Variants in DLG2 observed in about 807,000 individuals in gnomAD.
DLG2 encodes disks large homolog 2.
A neutral mutation model predicts 132.5 loss-of-function variants in DLG2; 45 were observed. The ratio of observed to expected loss-of-function variants is 0.34; its 90% confidence interval spans 0.27 to 0.44. The LOEUF is 0.44. Ranked by LOEUF, DLG2 falls within the 20% of genes least tolerant of loss-of-function variation. DLG2 has a pLI of 1.00. For missense variants in DLG2, 1,045 were observed against 1,196.9 expected, an observed-to-expected ratio of 0.87 and a Z score of 1.87; for synonymous variants, 424 against 419.6, an observed-to-expected ratio of 1.01 and a Z score of -0.13.
intron 5 of DLG2, among the ~76,000 whole-genome samples, chr11:85,136,865 A>C (rs2076172310): frequency 6.6e-6 from 1 of 152,166 alleles, no homozygotes; most frequent in Admixed American, 6.6e-5. Context: ...AGAGGCACAA[A>C]ATCAATATTA....
intron 7 of DLG2, among the ~76,000 whole-genome samples, chr11:84,532,544 G>A (rs1031363357): frequency 1.3e-5 from 2 of 152,078 alleles, no homozygotes; most frequent in African/African-American, 4.8e-5. Flanking sequence ...TGCCCAGGCT[G>A]TAGTGCAGTG....
At chr11:84,630,238 A>G (rs553814236) in intron 6 of DLG2, among the ~76,000 whole-genome samples, 5 of 152,314 alleles carry the variant, frequency 3.3e-5, no homozygotes, top group Admixed American at 1.3e-4. Context: ...GGTAGGGGAA[A>G]GACTGCAGGA....
chr11:84,768,940 G>GA (rs964446220), intron 6 of DLG2, among the ~76,000 whole-genome samples: 1 of 151,804 alleles, frequency 6.6e-6, no homozygotes. Flanking sequence ...AAAGAGAAGA[G>GA]AAAAAAATAT....
chr11:84,907,987 T>C (rs1488420328), intron 6 of DLG2, among the ~76,000 whole-genome samples: 1 of 152,126 alleles, frequency 6.6e-6, no homozygotes, highest in Non-Finnish European at 1.5e-5. Flanking sequence ...TTCTTACCCA[T>C]CCTATCTGTC....
At chr11:85,115,773 C>T (rs1350879098) in intron 5 of DLG2, among the ~76,000 whole-genome samples, 1 of 151,936 alleles carries the variant, frequency 6.6e-6, no homozygotes, top group Non-Finnish European at 1.5e-5. Context: ...AAAGTAAAGA[C>T]ATTATTGGCC....
At chr11:84,063,902 G>T (rs2096630041) in intron 10 of DLG2, among the ~76,000 whole-genome samples, 1 of 134,106 alleles carries the variant, frequency 7.5e-6, no homozygotes, top group African/African-American at 2.8e-5. Flanking sequence ...TCATAGGTGG[G>T]AATTGAACAA....
intron 4 of DLG2, among the ~76,000 whole-genome samples, chr11:85,226,248 G>C: frequency 6.7e-6 from 1 of 150,142 alleles, no homozygotes; most frequent in East Asian, 1.9e-4. Flanking sequence ...AGACATGTGG[G>C]TGGATGGATG....
intron 3 of DLG2, among the ~76,000 whole-genome samples, chr11:85,544,670 A>G (rs2076187689): frequency 6.6e-6 from 1 of 152,116 alleles, no homozygotes; most frequent in African/African-American, 2.4e-5. Flanking sequence ...TATTTCCTTG[A>G]GCAGTGGTTT....
intron 6 of DLG2, among the ~76,000 whole-genome samples, chr11:84,731,586 G>C (rs2063159130): frequency 6.6e-6 from 1 of 151,874 alleles, no homozygotes; most frequent in Non-Finnish European, 1.5e-5. Flanking sequence ...AGAATATGTG[G>C]TACCAGCAAA....
At chr11:84,016,312 C>A (rs1048385345) in intron 11 of DLG2, among the ~76,000 whole-genome samples, 1 of 152,032 alleles carries the variant, frequency 6.6e-6, no homozygotes, top group Admixed American at 6.6e-5. Flanking sequence ...TAAAATTTTT[C>A]TCCTATTCTG....
At position 84,009,977 on chromosome 11, in the gene DLG2, A is replaced by G. The variant is rs1227007773; in HGVS notation, c.920-29335T>C. The stretch of plus-strand genomic sequence containing the variant: ...GTCTGGCAGCAAAGCCTTTCTTCCT[A>G]AGCTTATTGTTCTATTCAGCCTCCC... On this transcript the variant is annotated intron_variant, in intron 11 of 27. Transcript: ENST00000376104. Among the ~76,000 whole-genome samples, 4 of 152,184 alleles carry G rather than the reference A, an allele frequency of 2.6e-5. No individual in the cohort carries two copies. In the East Asian group the frequency reaches 7.7e-4, roughly 29 times the overall value.
chr11:85,227,310 T>G (rs945703932), intron 4 of DLG2, among the ~76,000 whole-genome samples: 5 of 152,018 alleles, frequency 3.3e-5, no homozygotes, highest in Admixed American at 6.6e-5. Context: ...AAGAAAAAAT[T>G]TTTAATAAAG....
chr11:85,447,487 A>G (rs942963974), intron 3 of DLG2, among the ~76,000 whole-genome samples: 9 of 152,192 alleles, frequency 5.9e-5, no homozygotes, highest in African/African-American at 2.2e-4. Flanking sequence ...AGACCATATG[A>G]CAATACAAGG....
chr11:85,447,229 T>C (rs925625911), intron 3 of DLG2, among the ~76,000 whole-genome samples: 3 of 152,160 alleles, frequency 2.0e-5, no homozygotes, highest in South Asian at 4.1e-4. Context: ...TCTAGAAACA[T>C]TGACAGACTC....
Position 83,480,287 on chromosome 11 carries a change from AAAC to A in DLG2, c.2293+3839_2293+3841del, listed in dbSNP as rs369084561. ...CAGATGATAAAAGGTAGCAATTGAAAAACAACAACAGAAATCTGAAATGACCAC... is the reference window on the plus strand; with the variant it reads ...CAGATGATAAAAGGTAGCAATTGAAAAACAACAGAAATCTGAAATGACCAC... On this transcript the variant is annotated intron_variant, in intron 22 of 27. Coordinates refer to ENST00000376104, the MANE Select transcript of DLG2 (RefSeq NM_001142699.3). The A allele has an allele frequency of 4.4e-4, 493 of 1,111,714 alleles. 4 individuals are homozygous for A. The African/African-American group carries it at 6.4e-3, about 14-fold the overall frequency. 68.9% of individuals were successfully genotyped at this position (1,111,714 alleles called of 1,614,324 possible).
At chr11:84,175,738 C>T (rs1157420311) in intron 8 of DLG2, among the ~76,000 whole-genome samples, 1 of 152,148 alleles carries the variant, frequency 6.6e-6, no homozygotes, top group Non-Finnish European at 1.5e-5. Context: ...AGCCACATCA[C>T]CCTGCTCCTT....
At chr11:85,058,724 A>T (rs2063715488) in intron 6 of DLG2, among the ~76,000 whole-genome samples, 1 of 151,560 alleles carries the variant, frequency 6.6e-6, no homozygotes, top group Non-Finnish European at 1.5e-5. Flanking sequence ...AGGCCCACTG[A>T]TATAAGGTTA....
intron 6 of DLG2, among the ~76,000 whole-genome samples, chr11:85,024,306 G>A (rs1366152022): frequency 2.0e-5 from 3 of 152,120 alleles, no homozygotes; most frequent in Non-Finnish European, 2.9e-5. Context: ...TGTATCTGAC[G>A]CACATTTTAC....
intron 21 of DLG2, among the ~76,000 whole-genome samples, chr11:83,492,912 T>A (rs532926994): frequency 5.9e-4 from 89 of 152,112 alleles, no homozygotes; most frequent in Non-Finnish European, 1.0e-3. Flanking sequence ...GCAGCCAGGG[T>A]GATCATTTAA....
Sources: gnomAD v4.1 joint callset for allele counts (sites outside exome capture counted in the v4.1 genomes callset) on GRCh38, gnomAD v4.1.1 for gene constraint, MANE v1.5 for transcripts, NCBI Gene and HGNC (gene_info 2026-07-23, HGNC 2026-07-21) for gene names.